The following EPHA5 variants were observed in gnomAD, a reference collection of about 807,000 sequenced individuals.
The protein encoded by EPHA5 is ephrin type-A receptor 5.
A neutral mutation model predicts 105.0 loss-of-function variants in EPHA5; 60 were observed. The observed-to-expected ratio is 0.57, with a 90% confidence interval of 0.46 to 0.71. The LOEUF is 0.71. EPHA5 is among the 30% of genes least tolerant of loss of function. The probability of loss-of-function intolerance (pLI) is 0.00; values close to 1 mark genes in which losing one functional copy is unlikely to be tolerated. For missense variants in EPHA5, 1,218 were observed against 1,274.7 expected (o/e 0.96, Z 0.68); for synonymous variants, 513 against 449.1 (o/e 1.14, Z -1.80).
rs151010202 is a variant in EPHA5, at chr4:65,374,705, A to G, written c.1794-7281T>C. Among the ~76,000 whole-genome samples, 75 of 152,092 alleles carry G rather than the reference A, an allele frequency of 4.9e-4. 1 individual carries two copies. In the East Asian group the frequency reaches 0.013, roughly 27 times the overall value. On this transcript the variant is annotated intron_variant, in intron 8 of 16. Coordinates refer to ENST00000613740, the MANE Select transcript of EPHA5 (RefSeq NM_001281766.3). ...ATATTAAGGTCAAAACTAACCACAT[A>G]TATATTCATGAGTGATCTTTCAAGA...
At chr4:65,461,795 T>C (rs1475125609) in intron 5 of EPHA5, among the ~76,000 whole-genome samples, 1 of 152,016 alleles carries the variant, frequency 6.6e-6, no homozygotes, top group Non-Finnish European at 1.5e-5. Context: ...CAAAGAGCTG[T>C]TTCTTAAGCT....
In EPHA5 at chr4:65,631,149, A is replaced by G. The variant is rs180783427; in HGVS notation, c.246+12214T>C. 2.1e-3 allele frequency among the ~76,000 whole-genome samples: 321 copies of G among 152,286 alleles called. 1 individual carries two copies. Among genetic ancestry groups the G allele is most frequent in the Non-Finnish European group, 3.4e-3 (228 of 68,016 alleles). ...ATTTATGTAAGCCTATCATCAAAAA[A>G]TCTACAAAATTACAATCCTTTAGTC... is the stretch of plus-strand genomic sequence containing the variant. On this transcript the variant is annotated intron_variant, in intron 2 of 16. Transcript: ENST00000613740.
intron 5 of EPHA5, among the ~76,000 whole-genome samples, chr4:65,429,215 G>A (rs775949374): frequency 5.9e-5 from 9 of 151,924 alleles, no homozygotes; most frequent in Admixed American, 3.9e-4. Context: ...TGGTGCATTT[G>A]GAAAACTTTA....
chr4:65,420,343 A>G lies in EPHA5; in HGVS notation c.1527+98T>C, dbSNP rs1723820591. 4.7e-5 allele frequency: 57 copies of G among 1,208,318 alleles called. No homozygotes were observed. The East Asian group carries it at 1.4e-3, about 29-fold the overall frequency. The allele number at this position is 1,208,318 out of a possible 1,614,324, so 74.8% of individuals were successfully genotyped here. On this transcript the variant is annotated intron_variant, in intron 6 of 16. Coordinates refer to ENST00000613740, the MANE Select transcript of EPHA5 (RefSeq NM_001281766.3). ...AGAATCAATTGTCATTGATTTACAC[A>G]TAAAATTGCAACATACTCTTCTGCA...
chr4:65,359,028 T>C (rs929756189), intron 11 of EPHA5, among the ~76,000 whole-genome samples: 1 of 151,636 alleles, frequency 6.6e-6, no homozygotes, highest in Admixed American at 6.6e-5. Context: ...CTAAAAATGA[T>C]CAACTCTGAC....
intron 14 of EPHA5, among the ~76,000 whole-genome samples, chr4:65,344,904 G>A (rs1274125291): frequency 6.6e-6 from 1 of 152,052 alleles, no homozygotes; most frequent in Non-Finnish European, 1.5e-5. Flanking sequence ...ATGAAAGAGA[G>A]GTAGGAGACA....
intron 2 of EPHA5, among the ~76,000 whole-genome samples, chr4:65,620,491 A>G (rs1745620757): frequency 6.6e-6 from 1 of 152,172 alleles, no homozygotes; most frequent in Non-Finnish European, 1.5e-5. Context: ...ATGAAAATGT[A>G]TTTGAGAGAA....
intron 5 of EPHA5, among the ~76,000 whole-genome samples, chr4:65,431,628 C>T (rs1369009309): frequency 2.6e-5 from 4 of 152,088 alleles, no homozygotes; most frequent in Non-Finnish European, 5.9e-5. Flanking sequence ...TTACTGAAAA[C>T]CTACTGTATG....
chr4:65,442,117 T>C (rs1274134701), intron 5 of EPHA5, among the ~76,000 whole-genome samples: 2 of 152,056 alleles, frequency 1.3e-5, no homozygotes, highest in Non-Finnish European at 2.9e-5. Flanking sequence ...ACCTGAATAT[T>C]TGTGCCACCC....
intron 3 of EPHA5, among the ~76,000 whole-genome samples, chr4:65,513,562 A>G (rs1733829581): frequency 6.6e-6 from 1 of 151,786 alleles, no homozygotes; most frequent in Admixed American, 6.6e-5. Context: ...AATTTTTGTG[A>G]TCTCAGTAGA....
chr4:65,364,853 A>T (rs1717705391), intron 11 of EPHA5, among the ~76,000 whole-genome samples, 164 bp downstream of exon 11: 1 of 151,680 alleles, frequency 6.6e-6, no homozygotes, highest in African/African-American at 2.4e-5. Flanking sequence ...ATTCAAGTTC[A>T]TTGAAGATTA....
At chr4:65,511,510 A>G (rs1321616050) in intron 3 of EPHA5, among the ~76,000 whole-genome samples, 1 of 152,164 alleles carries the variant, frequency 6.6e-6, no homozygotes, top group African/African-American at 2.4e-5. Flanking sequence ...CATTAACTTA[A>G]GAAGATTTTA....
chr4:65,516,572 G>A (rs77938391), intron 3 of EPHA5, among the ~76,000 whole-genome samples: 2,554 of 152,000 alleles, frequency 0.017, 83 homozygotes, highest in African/African-American at 0.057. Flanking sequence ...GTGGGCATGC[G>A]CGCGTGCATA....
chr4:65,326,405 C>T (rs1295372472), intron 16 of EPHA5, among the ~76,000 whole-genome samples: 1 of 151,078 alleles, frequency 6.6e-6, no homozygotes, highest in Admixed American at 6.6e-5. Context: ...AAATGAGAAT[C>T]CTGTAAATGT....
chr4:65,499,242 T>C lies in EPHA5; in HGVS notation c.911-3699A>G, dbSNP rs542929748. 6.6e-5 allele frequency among the ~76,000 whole-genome samples: 10 copies of C among 151,792 alleles called. 1 individual carries two copies. The highest frequency in any genetic ancestry group is 2.6e-4 in the Admixed American group (4 of 15,196). ...TTCTCTACCTTTATTTCTATCAAAA[T>C]AGAATAAAATGTATCCTTCTTCATA... On this transcript the variant is annotated intron_variant, in intron 3 of 16. Transcript: ENST00000613740.
chr4:65,376,793 G>A lies in EPHA5; in HGVS notation c.1794-9369C>T, dbSNP rs78922808. 8.0e-3 allele frequency among the ~76,000 whole-genome samples: 1,216 copies of A among 152,064 alleles called. 13 individuals are homozygous for A. The highest frequency in any genetic ancestry group is 0.027 in the African/African-American group (1,137 of 41,516). Reference sequence around the variant, plus strand: ...CCACAGTAAAAGCCTCAGAAGAGACGTATGAATGCTTGACATAGGGATGAT... The same window carrying A: ...CCACAGTAAAAGCCTCAGAAGAGACATATGAATGCTTGACATAGGGATGAT... On this transcript the variant is annotated intron_variant, in intron 8 of 16. Transcript: ENST00000613740.
intron 3 of EPHA5, among the ~76,000 whole-genome samples, chr4:65,579,694 A>G (rs1330779689): frequency 1.3e-5 from 2 of 151,900 alleles, no homozygotes; most frequent in Admixed American, 6.6e-5. Context: ...TTAAAGATGA[A>G]TATTCTCGTG....
intron 5 of EPHA5, among the ~76,000 whole-genome samples, chr4:65,435,140 C>T (rs759067872): frequency 5.3e-5 from 8 of 151,968 alleles, no homozygotes; most frequent in Non-Finnish European, 1.0e-4. Context: ...TAACACTGGT[C>T]GTAAACTATA....
At chr4:65,666,194 C>T (rs1469922934) in intron 1 of EPHA5, among the ~76,000 whole-genome samples, 1 of 152,016 alleles carries the variant, frequency 6.6e-6, no homozygotes, top group East Asian at 1.9e-4. Flanking sequence ...TTATGTGTTT[C>T]TACCCCACTT....
Sources: allele counts gnomAD v4.1 joint callset (sites outside exome capture counted in the v4.1 genomes callset), GRCh38; gene constraint gnomAD v4.1.1; transcripts MANE v1.5; gene names NCBI Gene and HGNC (gene_info 2026-07-23, HGNC 2026-07-21).